KLF12: variants seen among roughly 807,000 people sequenced by gnomAD.
KLF12 encodes the protein Krueppel-like factor 12.
In KLF12, 9 loss-of-function variants were observed where a neutral mutation model predicts 37.8. The ratio of observed to expected loss-of-function variants is 0.24; its 90% CI spans 0.14 to 0.42. KLF12 has a LOEUF of 0.42. KLF12 is among the 10% of genes least tolerant of loss of function. The pLI is 1.00. For missense variants in KLF12, 411 were observed against 516.0 expected, an observed-to-expected ratio of 0.80 and a Z score of 1.97; for synonymous variants, 208 against 202.1, an observed-to-expected ratio of 1.03 and a Z score of -0.25.
intron 3 of KLF12, among the ~76,000 whole-genome samples, chr13:73,940,622 TC>T (rs1375458028): frequency 6.6e-6 from 1 of 152,234 alleles, no homozygotes; most frequent in Non-Finnish European, 1.5e-5. Flanking sequence ...TTTATATTTT[TC>T]ACCATGCTAA....
At chr13:74,157,876 C>G in the KLF12 span, among the ~76,000 whole-genome samples, 1 of 152,204 alleles carries the variant, frequency 6.6e-6, no homozygotes, top group African/African-American at 2.4e-5. Context: ...TGGCATTCAT[C>G]AGGTGCCCTC....
intron 1 of KLF12, among the ~76,000 whole-genome samples, chr13:74,012,688 G>C (rs1892581322): frequency 6.6e-6 from 1 of 152,192 alleles, no homozygotes; most frequent in African/African-American, 2.4e-5. Context: ...GCATTCTTCT[G>C]AGTAAACAAA....
rs10568058 is a variant in KLF12, at chr13:73,786,757, C to CAAAAA, written c.807-21762_807-21758dup. Reference sequence around the variant, plus strand: ...ACGAAAAAAATAAAAATTACAAATACAAAAAAAAAAAAAAAAAATTAGCTG... The same window carrying CAAAAA: ...ACGAAAAAAATAAAAATTACAAATACAAAAAAAAAAAAAAAAAAAAAAATTAGCTG... On this transcript the variant is annotated intron_variant, in intron 5 of 7. Coordinates refer to ENST00000377669, the MANE Select transcript of KLF12 (RefSeq NM_007249.5). 7.7e-4 allele frequency among the ~76,000 whole-genome samples: 92 copies of CAAAAA among 119,194 alleles called. No homozygotes were observed. In the South Asian group the frequency reaches 9.6e-3, roughly 12 times the overall value. 78.2% of individuals were successfully genotyped at this position (119,194 alleles called of 152,430 possible). A position where few individuals can be genotyped will look rare whatever the true frequency, so the allele number is the denominator to read the frequency against.
intron 5 of KLF12, among the ~76,000 whole-genome samples, chr13:73,780,556 C>T (rs753708051): frequency 7.2e-5 from 11 of 151,958 alleles, no homozygotes; most frequent in African/African-American, 1.2e-4. Context: ...CTTGGCTCAC[C>T]GCAACCTCCG....
At chr13:74,119,796 AG>A (rs1214567871) in intron 1 of KLF12, among the ~76,000 whole-genome samples, 3 of 152,160 alleles carry the variant, frequency 2.0e-5, no homozygotes, top group Admixed American at 6.5e-5. Flanking sequence ...AACACTGAAA[AG>A]GTAATGGGTA....
intron 1 of KLF12, among the ~76,000 whole-genome samples, chr13:73,997,827 G>A (rs953197763): frequency 6.6e-6 from 1 of 152,070 alleles, no homozygotes. Context: ...AGGATTGGTC[G>A]CTTATTTCAA....
chr13:73,699,885 T>C (rs1438968860), intron 7 of KLF12, among the ~76,000 whole-genome samples: 1 of 152,036 alleles, frequency 6.6e-6, no homozygotes, highest in South Asian at 2.1e-4. Flanking sequence ...TAATAAACAA[T>C]CGTGAAAAAC....
intron 6 of KLF12, among the ~76,000 whole-genome samples, chr13:73,726,141 C>T (rs1161413800): frequency 6.6e-6 from 1 of 152,108 alleles, no homozygotes; most frequent in Admixed American, 6.6e-5. Context: ...GCGTGAGTAA[C>T]CGTGCCCAGC....
At chr13:73,747,990 G>T (rs535876555) in intron 6 of KLF12, among the ~76,000 whole-genome samples, 1 of 152,312 alleles carries the variant, frequency 6.6e-6, no homozygotes, top group African/African-American at 2.4e-5. Flanking sequence ...TTGAAAGGTG[G>T]TTCTAACAAA....
intron 4 of KLF12, among the ~76,000 whole-genome samples, chr13:73,840,981 C>T (rs745860428): frequency 6.6e-6 from 1 of 152,162 alleles, no homozygotes; most frequent in Non-Finnish European, 1.5e-5. Flanking sequence ...GCTTACTTCT[C>T]AGAGAGGCCT....
At chr13:73,846,597 T>C (rs1380247660) in intron 3 of KLF12, among the ~76,000 whole-genome samples, 2 of 152,174 alleles carry the variant, frequency 1.3e-5, no homozygotes, top group African/African-American at 4.8e-5. Context: ...ACATTTTCAT[T>C]CCATTGGGAC....
intron 3 of KLF12, among the ~76,000 whole-genome samples, chr13:73,911,797 A>C (rs1888580130): frequency 6.6e-6 from 1 of 152,210 alleles, no homozygotes. Context: ...GAATTATGGA[A>C]ATGGATTTTG....
rs77349426 is a variant in KLF12, at chr13:74,023,433, A to C, written c.-31-28380T>G. On this transcript the variant is annotated intron_variant, in intron 1 of 7. Transcript: ENST00000377669. ...AGGTGGCTTTTAAGAACAGAAATCT[A>C]CTCTCTCACAGTTATGGAGGCTGAA... 4.4e-3 allele frequency among the ~76,000 whole-genome samples: 664 copies of C among 152,166 alleles called. 9 individuals are homozygous for C. Among genetic ancestry groups the C allele is most frequent in the African/African-American group, 0.015 (628 of 41,506 alleles).
the KLF12 span, among the ~76,000 whole-genome samples, chr13:74,158,228 C>A: frequency 6.6e-6 from 1 of 152,114 alleles, no homozygotes; most frequent in Non-Finnish European, 1.5e-5. Flanking sequence ...GTGGGCTGGA[C>A]TGTGAGTGAA....
chr13:73,712,172 C>T (rs1875449826), intron 7 of KLF12, among the ~76,000 whole-genome samples: 1 of 151,902 alleles, frequency 6.6e-6, no homozygotes, highest in Non-Finnish European at 1.5e-5. Flanking sequence ...AACCCTGTCT[C>T]TACTAAAAAT....
At chr13:73,738,100 T>TACACACAC (rs1405629548) in intron 6 of KLF12, among the ~76,000 whole-genome samples, 2 of 96,146 alleles carry the variant, frequency 2.1e-5, no homozygotes, top group African/African-American at 9.2e-5. Flanking sequence ...TACATATATA[T>TACACACAC]ATATATATAT....
At chr13:73,812,671 A>T (rs1883005163) in intron 5 of KLF12, among the ~76,000 whole-genome samples, 1 of 152,120 alleles carries the variant, frequency 6.6e-6, no homozygotes, top group Non-Finnish European at 1.5e-5. Flanking sequence ...AGGTAAAAGG[A>T]CAGAGAAAAG....
chr13:74,230,684 G>A, the KLF12 span, among the ~76,000 whole-genome samples: 49 of 152,222 alleles, frequency 3.2e-4, no homozygotes, highest in African/African-American at 9.4e-4. Context: ...ATTCTACCCC[G>A]AGGCACCACA....
At chr13:73,934,733 T>C (rs762388456) in intron 3 of KLF12, among the ~76,000 whole-genome samples, 18 of 152,112 alleles carry the variant, frequency 1.2e-4, no homozygotes, top group Non-Finnish European at 2.4e-4. Flanking sequence ...TTAAACTTCC[T>C]GGGATTTGTG....
Sources: allele counts gnomAD v4.1 joint callset (sites outside exome capture counted in the v4.1 genomes callset), GRCh38; gene constraint gnomAD v4.1.1; transcripts MANE v1.5; gene names NCBI Gene and HGNC (gene_info 2026-07-23, HGNC 2026-07-21).